Variants in CALN1 observed in about 807,000 individuals in gnomAD.
The protein encoded by CALN1 is calcium-binding protein 8.
A neutral mutation model predicts 30.6 loss-of-function variants in CALN1; 17 were observed. The ratio of observed to expected loss-of-function variants is 0.56; its 90% CI spans 0.38 to 0.83. The LOEUF (loss-of-function observed/expected upper bound fraction) is 0.83. Among genes scored for constraint, CALN1 ranks in the 40% least tolerant of loss-of-function variants. The probability of loss-of-function intolerance (pLI) is 0.00; values close to 1 mark genes in which losing one functional copy is unlikely to be tolerated. For missense variants in CALN1, 291 were observed against 354.9 expected (o/e 0.82, Z 1.45); for synonymous variants, 156 against 131.4 (o/e 1.19, Z -1.28).
At chr7:72,159,863 C>G (rs529291145) in intron 3 of CALN1, among the ~76,000 whole-genome samples, 1 of 152,138 alleles carries the variant, frequency 6.6e-6, no homozygotes, top group Non-Finnish European at 1.5e-5. Context: ...ATTGACAGAG[C>G]TGAGTGATTT....
At chr7:72,192,608 T>G (rs1438776422) in intron 3 of CALN1, among the ~76,000 whole-genome samples, 4 of 151,302 alleles carry the variant, frequency 2.6e-5, no homozygotes, top group Non-Finnish European at 4.4e-5. Flanking sequence ...TAGGCAACAT[T>G]GGGAGATCCC....
At position 72,223,029 on chromosome 7, in the gene CALN1, A is replaced by G. The variant is rs181869500; in HGVS notation, c.244+55657T>C. 1.9e-3 allele frequency among the ~76,000 whole-genome samples: 288 copies of G among 152,246 alleles called. 2 individuals are homozygous for G. Among genetic ancestry groups the G allele is most frequent in the Middle Eastern group, 0.017 (5 of 294 alleles). On this transcript the variant is annotated intron_variant, in intron 3 of 6. Transcript: ENST00000395275. ...AAGCAAGACCTTGTCTCTAAAAATC[A>G]ATGAAAAAAGAAAAGGAGAGGGTAG...
intron 5 of CALN1, among the ~76,000 whole-genome samples, chr7:71,932,943 T>C (rs1179929509): frequency 6.6e-6 from 1 of 151,980 alleles, no homozygotes; most frequent in East Asian, 1.9e-4. Flanking sequence ...GCATGTCACA[T>C]TGATGTAGGA....
At chr7:72,246,703 G>A (rs922773186) in intron 3 of CALN1, among the ~76,000 whole-genome samples, 20 of 150,756 alleles carry the variant, frequency 1.3e-4, no homozygotes, top group African/African-American at 2.7e-4. Flanking sequence ...AGGACTATCC[G>A]ATACCCCATC....
chr7:72,129,392 C>T, intron 3 of CALN1, among the ~76,000 whole-genome samples: 1 of 152,024 alleles, frequency 6.6e-6, no homozygotes, highest in East Asian at 1.9e-4. Flanking sequence ...AGCATACAAA[C>T]ACATAGAATA....
chr7:72,118,383 G>A (rs558601843), intron 3 of CALN1, among the ~76,000 whole-genome samples: 1 of 152,180 alleles, frequency 6.6e-6, no homozygotes, highest in Non-Finnish European at 1.5e-5. Flanking sequence ...ATGAGGTGGT[G>A]AAATTCTACT....
At chr7:72,336,041 G>T (rs908468879) in intron 2 of CALN1, among the ~76,000 whole-genome samples, 1 of 152,144 alleles carries the variant, frequency 6.6e-6, no homozygotes, top group Admixed American at 6.5e-5. Flanking sequence ...CCATCCAGCT[G>T]CTTGGAGCTC....
chr7:72,272,141 G>A (rs1056924457), intron 3 of CALN1, among the ~76,000 whole-genome samples: 1 of 151,872 alleles, frequency 6.6e-6, no homozygotes, highest in South Asian at 2.1e-4. Flanking sequence ...CAGTGACTCT[G>A]GAATAGTCAA....
intron 2 of CALN1, among the ~76,000 whole-genome samples, chr7:72,393,742 CTTT>C (rs11302119): frequency 3.3e-4 from 42 of 125,772 alleles, no homozygotes; most frequent in African/African-American, 9.1e-4. Context: ...GACCATAGAG[CTTT>C]TTTTTTTTTT....
chr7:72,272,996 T>C lies in CALN1; in HGVS notation c.244+5690A>G, dbSNP rs560997179. ...AAGGAGAGAGGAAGAACAAACAACA[T>C]AGATGGAGAATTCTGTGGCATAGGG... is the stretch of plus-strand genomic sequence containing the variant. On this transcript the variant is annotated intron_variant, in intron 3 of 6. Transcript: ENST00000395275. Among the ~76,000 whole-genome samples, 9 of 150,688 alleles carry C rather than the reference T, an allele frequency of 6.0e-5. No homozygotes were observed. The East Asian group carries it at 1.6e-3, about 26-fold the overall frequency.
At chr7:72,285,936 A>G (rs142320694) in intron 2 of CALN1, among the ~76,000 whole-genome samples, 14 of 152,308 alleles carry the variant, frequency 9.2e-5, no homozygotes, top group Non-Finnish European at 2.1e-4. Flanking sequence ...AAGGTTAAAG[A>G]GCCTAACCAG....
At chr7:71,963,611 A>T (rs1797375726) in intron 5 of CALN1, among the ~76,000 whole-genome samples, 1 of 152,078 alleles carries the variant, frequency 6.6e-6, no homozygotes, top group Admixed American at 6.5e-5. Flanking sequence ...AGCCTAGGAA[A>T]CTTTTTCTCT....
At chr7:72,359,544 C>T (rs534219109) in intron 2 of CALN1, among the ~76,000 whole-genome samples, 1 of 152,132 alleles carries the variant, frequency 6.6e-6, no homozygotes, top group African/African-American at 2.4e-5. Context: ...GATATGCAGG[C>T]ACCACGTGCC....
intron 5 of CALN1, among the ~76,000 whole-genome samples, chr7:71,916,605 T>A (rs1052108124): frequency 6.6e-6 from 1 of 151,682 alleles, no homozygotes; most frequent in South Asian, 2.1e-4. Flanking sequence ...CACTTATAAG[T>A]GGGAGCTGAA....
At chr7:72,144,496 G>A (rs559156165) in intron 3 of CALN1, among the ~76,000 whole-genome samples, 1 of 152,232 alleles carries the variant, frequency 6.6e-6, no homozygotes, top group Admixed American at 6.5e-5. Context: ...GACCTACAAA[G>A]AGATTAGACT....
At chr7:71,922,256 T>G (rs567152117) in intron 5 of CALN1, among the ~76,000 whole-genome samples, 6 of 152,284 alleles carry the variant, frequency 3.9e-5, no homozygotes, top group African/African-American at 9.6e-5. Flanking sequence ...GTGTAATATC[T>G]GGTTCACATT....
At chr7:72,472,340 C>A in the CALN1 span, among the ~76,000 whole-genome samples, 3 of 152,150 alleles carry the variant, frequency 2.0e-5, no homozygotes, top group African/African-American at 7.2e-5. Context: ...CTTAGTTGCC[C>A]CCGGCACAAT....
chr7:72,356,797 G>A (rs1472184424), intron 2 of CALN1, among the ~76,000 whole-genome samples: 1 of 151,978 alleles, frequency 6.6e-6, no homozygotes, highest in African/African-American at 2.4e-5. Flanking sequence ...GCTAAAAACT[G>A]TAAATTAGGA....
At chr7:72,502,572 G>A in the CALN1 span, among the ~76,000 whole-genome samples, 6 of 151,736 alleles carry the variant, frequency 4.0e-5, no homozygotes, top group East Asian at 1.9e-4. Flanking sequence ...ATTTACCTTC[G>A]CATTATAGAA....
Sources: allele counts gnomAD v4.1 joint callset (sites outside exome capture counted in the v4.1 genomes callset), GRCh38; gene constraint gnomAD v4.1.1; transcripts MANE v1.5; gene names NCBI Gene and HGNC (gene_info 2026-07-23, HGNC 2026-07-21).